Variants in ANKRD27 observed in about 807,000 individuals in gnomAD.
ANKRD27 encodes ankyrin repeat domain 27.
ANKRD27 carries 112 observed loss-of-function variants against 129.7 expected under a neutral mutation model. That is an observed-to-expected ratio of 0.86 (90% CI 0.74 to 1.01). The LOEUF (loss-of-function observed/expected upper bound fraction) is 1.01. ANKRD27 is among the 50% of genes least tolerant of loss of function. The pLI, the probability that ANKRD27 is intolerant of heterozygous loss-of-function variation, is 0.00. For missense variants in ANKRD27, 1,258 were observed against 1,300.5 expected (o/e 0.97, Z 0.50); for synonymous variants, 516 against 511.2 (o/e 1.01, Z -0.13).
Position 32,597,999 on chromosome 19 carries a change from A to C in ANKRD27, c.*146T>G. 4.3e-6 allele frequency: 3 copies of C among 691,938 alleles called. No individual in the cohort carries two copies. Among genetic ancestry groups the C allele is most frequent in the Non-Finnish European group, 7.3e-6 (3 of 410,302 alleles). The allele number at this position is 691,938 out of a possible 1,614,324, so 42.9% of individuals were successfully genotyped here. On this transcript the variant is annotated 3_prime_UTR_variant, in exon 29 of 29. Transcript: ENST00000306065. ...CTTTTTTGTTGCATTCTTTCCTGCCACAGAAAAGCTTTCAGGAACTTGGTG... is the reference window on the plus strand; with the variant it reads ...CTTTTTTGTTGCATTCTTTCCTGCCCCAGAAAAGCTTTCAGGAACTTGGTG...
At chr19:32,660,446 A>G (rs1967623048) in intron 1 of ANKRD27, among the ~76,000 whole-genome samples, 1 of 152,192 alleles carries the variant, frequency 6.6e-6, no homozygotes, top group South Asian at 2.1e-4. Context: ...ACTGCCCAGG[A>G]GGCAGAGGTT....
In ANKRD27 at chr19:32,639,383, C is replaced by A. The variant is rs1967150919; in HGVS notation, c.1089G>T (p.Arg363=). The A allele has an allele frequency of 6.2e-7, 1 of 1,614,202 alleles. No homozygotes were observed. The highest frequency in any genetic ancestry group is 8.5e-7 in the Non-Finnish European group (1 of 1,180,048). Residue 363 remains arginine, a synonymous_variant, in exon 12 of 29, where the codon CGG becomes CGT. Transcript: ENST00000306065. ...TSFEAAIEYI[R]QGSLSAKPPE... is the part of the protein sequence containing the mutation. Reference sequence around the variant, plus strand: ...GGGGTTTAGCAGAGAGGCTTCCTTGCCGAATATATTCAATGGCAGCTTCGA... The same window carrying A: ...GGGGTTTAGCAGAGAGGCTTCCTTGACGAATATATTCAATGGCAGCTTCGA...
At chr19:32,623,347 T>C (rs1398245531) in intron 17 of ANKRD27, among the ~76,000 whole-genome samples, 1 of 152,194 alleles carries the variant, frequency 6.6e-6, no homozygotes, top group African/African-American at 2.4e-5. Context: ...ATGTGGTTTA[T>C]GCTGAACGCC....
At chr19:32,625,111 C>T (rs1046923859) in intron 17 of ANKRD27, among the ~76,000 whole-genome samples, 5 of 151,794 alleles carry the variant, frequency 3.3e-5, no homozygotes, top group Admixed American at 2.0e-4. Context: ...CAAAAATTAG[C>T]TGGGTGTGGT....
chr19:32,659,137 T>TC, intron 1 of ANKRD27, 92 bp from the exon 2 acceptor site: 2 of 343,646 alleles, frequency 5.8e-6, no homozygotes, highest in East Asian at 1.0e-4. Context: ...CATTTTCTTT[T>TC]TCTTTTTTTT....
chr19:32,670,005 A>G (rs1967836372), intron 1 of ANKRD27, among the ~76,000 whole-genome samples: 1 of 151,836 alleles, frequency 6.6e-6, no homozygotes. Context: ...CAAAAAAAAA[A>G]AAAAGAAAGA....
intron 1 of ANKRD27, among the ~76,000 whole-genome samples, chr19:32,661,382 G>A (rs1313256051): frequency 1.3e-5 from 2 of 152,034 alleles, no homozygotes; most frequent in East Asian, 3.9e-4. Flanking sequence ...TAGAGCTGGA[G>A]TCCAATGACA....
At chr19:32,662,029 T>C (rs137922853) in intron 1 of ANKRD27, among the ~76,000 whole-genome samples, 1 of 152,040 alleles carries the variant, frequency 6.6e-6, no homozygotes, top group East Asian at 1.9e-4. Context: ...GAAGATAGAG[T>C]AGGCCAGGCA....
rs767552368 is a variant in ANKRD27, at chr19:32,642,024, C to G, written c.904G>C (p.Val302Leu). ...GCCAGTCCCCTTTCCAAGCACAAAC[C>G]TCTCTGGCTTGGAGACTGTGTAATG... ...QLITQSPSQR[V>L]NLETMCADDL... Residue 302 changes from valine (V) to leucine (L), a missense_variant and splice_region_variant, in exon 10 of 29, where the codon GTG (valine) becomes CTG (leucine). By Grantham distance (32) the Val-to-Leu change is conservative (BLOSUM62 1). Transcript: ENST00000306065. 6.3e-7 allele frequency: 1 copy of G among 1,579,306 alleles called. No individual in the cohort carries two copies. Among genetic ancestry groups the G allele is most frequent in the East Asian group, 2.3e-5 (1 of 43,952 alleles).
chr19:32,626,336 T>C (rs912805856), intron 16 of ANKRD27, among the ~76,000 whole-genome samples: 1 of 151,978 alleles, frequency 6.6e-6, no homozygotes, highest in African/African-American at 2.4e-5. Context: ...CCCAGATAAT[T>C]TTAAAAAAAT....
intron 2 of ANKRD27, among the ~76,000 whole-genome samples, chr19:32,655,892 T>A (rs1414462683): frequency 6.6e-6 from 1 of 151,218 alleles, no homozygotes; most frequent in Non-Finnish European, 1.5e-5. Context: ...GTGGTGGGTG[T>A]CTGTAATCCC....
chr19:32,628,742 G>C lies in ANKRD27; in HGVS notation c.1317C>G (p.Asp439Glu). The stretch of plus-strand genomic sequence containing the variant: ...CTTACCCAGAGACGAGTTTCTCACA[G>C]TCATCGCAGAAGCAGAGAGGGTGAC... The part of the protein sequence containing the change: ...KMCHPLCFCD[D>E]CEKLVSGRLN... Residue 439 changes from aspartate to glutamate, a missense_variant, in exon 14 of 29, where the codon GAC becomes GAG. Asp to Glu is a conservative substitution (Grantham distance 45). Coordinates refer to ENST00000306065, the MANE Select transcript of ANKRD27 (RefSeq NM_032139.3). 2 of 1,614,088 alleles carry C rather than the reference G, an allele frequency of 1.2e-6. No homozygotes were observed. Among genetic ancestry groups the C allele is most frequent in the East Asian group, 2.2e-5 (1 of 44,876 alleles).
At chr19:32,654,380 C>A (rs888041632) in intron 2 of ANKRD27, among the ~76,000 whole-genome samples, 3 of 152,344 alleles carry the variant, frequency 2.0e-5, no homozygotes, top group Admixed American at 2.0e-4. Flanking sequence ...GTCCAAACTT[C>A]ATGGAAAGAT....
intron 28 of ANKRD27, among the ~76,000 whole-genome samples, chr19:32,599,061 C>T (rs1043194559): frequency 6.6e-6 from 1 of 152,182 alleles, no homozygotes; most frequent in Non-Finnish European, 1.5e-5. Flanking sequence ...GGGCAGATCA[C>T]TTGAGGTCAG....
intron 2 of ANKRD27, among the ~76,000 whole-genome samples, chr19:32,655,772 C>T (rs1270980843): frequency 5.9e-5 from 9 of 152,128 alleles, no homozygotes; most frequent in Non-Finnish European, 1.3e-4. Context: ...AATTCCAGCA[C>T]TTTGGGAGGC....
intron 1 of ANKRD27, among the ~76,000 whole-genome samples, chr19:32,660,353 G>A (rs1310730470): frequency 6.6e-6 from 1 of 152,146 alleles, no homozygotes; most frequent in Non-Finnish European, 1.5e-5. Context: ...GACCAGCCTG[G>A]TCAACATGGT....
intron 3 of ANKRD27, among the ~76,000 whole-genome samples, chr19:32,647,948 A>G (rs1482688331): frequency 5.3e-5 from 8 of 152,174 alleles, no homozygotes; most frequent in Non-Finnish European, 7.4e-5. Context: ...GAAACAGCTC[A>G]ATGTTTTTTC....
intron 1 of ANKRD27, among the ~76,000 whole-genome samples, chr19:32,669,658 T>A (rs1050093151): frequency 2.0e-5 from 3 of 152,098 alleles, no homozygotes; most frequent in Non-Finnish European, 4.4e-5. Flanking sequence ...CAGGCTTCCA[T>A]GGACGAACTA....
At chr19:32,647,984 G>A (rs1967334766) in intron 3 of ANKRD27, among the ~76,000 whole-genome samples, 1 of 152,226 alleles carries the variant, frequency 6.6e-6, no homozygotes, top group Non-Finnish European at 1.5e-5. Flanking sequence ...AAAGGATCCA[G>A]GCCGGGTGCA....
Sources: gnomAD v4.1 joint callset for allele counts (sites outside exome capture counted in the v4.1 genomes callset) on GRCh38, gnomAD v4.1.1 for gene constraint, MANE v1.5 for transcripts, NCBI Gene and HGNC (gene_info 2026-07-23, HGNC 2026-07-21) for gene names.